DCTN4: variants seen among roughly 807,000 people sequenced by gnomAD.
The protein encoded by DCTN4 is dynactin subunit 4, also known as dynactin 4 (p62).
A neutral mutation model predicts 62.7 loss-of-function variants in DCTN4; 23 were observed. That is an observed-to-expected ratio of 0.37 (90% CI 0.26 to 0.52). The LOEUF is 0.52. Ranked by LOEUF, DCTN4 falls within the 20% of genes least tolerant of loss-of-function variation. The probability of loss-of-function intolerance (pLI) is 0.92; values close to 1 mark genes in which losing one functional copy is unlikely to be tolerated. For synonymous variants in DCTN4, 199 were observed against 202.1 expected (o/e 0.98, Z 0.13); for missense variants, 514 against 580.4 (o/e 0.89, Z 1.18).
chr5:150,756,267 T>A (rs1752858462), intron 2 of DCTN4, 150 bp downstream of exon 2: 2 of 475,522 alleles, frequency 4.2e-6, no homozygotes, highest in Non-Finnish European at 7.5e-6. Context: ...GGTATCAACC[T>A]CTTGACCTCG....
chr5:150,746,103 A>G (rs1760951467), intron 3 of DCTN4, among the ~76,000 whole-genome samples: 1 of 151,408 alleles, frequency 6.6e-6, no homozygotes, highest in Non-Finnish European at 1.5e-5. Context: ...AAAATGATAA[A>G]GGGGATATCA....
At chr5:150,748,456 T>C (rs1178465847) in intron 3 of DCTN4, among the ~76,000 whole-genome samples, 1 of 152,110 alleles carries the variant, frequency 6.6e-6, no homozygotes, top group Non-Finnish European at 1.5e-5. Flanking sequence ...CAAAGAACTA[T>C]AAATCATGCT....
chr5:150,715,897 GTTTTA>G (rs1425830654), intron 11 of DCTN4, among the ~76,000 whole-genome samples: 1 of 148,726 alleles, frequency 6.7e-6, no homozygotes. Flanking sequence ...TGTCTTTAAT[GTTTTA>G]TTTTATTATT....
chr5:150,755,503 T>C (rs1752828180), intron 2 of DCTN4: 1 of 456,212 alleles, frequency 2.2e-6, no homozygotes, highest in Non-Finnish European at 4.4e-6. Flanking sequence ...TTACCCTTGA[T>C]ATGATGTAAT....
At chr5:150,746,280 T>A (rs1760958888) in intron 3 of DCTN4, among the ~76,000 whole-genome samples, 1 of 139,840 alleles carries the variant, frequency 7.2e-6, no homozygotes, top group Non-Finnish European at 1.5e-5. Context: ...TAACAGGCTC[T>A]GAAATTGAGG....
Position 150,756,282 on chromosome 5 carries a change from C to T in DCTN4, c.206+135G>A, listed in dbSNP as rs1752859270. On this transcript the variant is annotated intron_variant, in intron 2 of 12. Transcript: ENST00000447998. ...GGTATCAACCTCTTGACCTCGTGAT[C>T]CCTGCCTCCGCCTCCCAAAGTGCTG... 5.8e-6 allele frequency: 3 copies of T among 513,488 alleles called. No homozygotes were observed. The East Asian group carries it at 1.0e-4, about 18-fold the overall frequency. The allele number at this position is 513,488 out of a possible 1,614,324, so 31.8% of individuals were successfully genotyped here.
At chr5:150,717,073 A>G (rs1259594425) in intron 11 of DCTN4, among the ~76,000 whole-genome samples, 1 of 152,178 alleles carries the variant, frequency 6.6e-6, no homozygotes, top group Non-Finnish European at 1.5e-5. Flanking sequence ...AGATATAGGC[A>G]TCTTTTTAAA....
At chr5:150,725,157 C>CAAAAA (rs966438340) in intron 8 of DCTN4, among the ~76,000 whole-genome samples, 7 of 53,370 alleles carry the variant, frequency 1.3e-4, no homozygotes, top group African/African-American at 4.0e-4. Flanking sequence ...GACTCCGTCT[C>CAAAAA]AAAAAAAAAA....
intron 9 of DCTN4, among the ~76,000 whole-genome samples, chr5:150,722,065 ATCC>A (rs1283631707): frequency 1.3e-5 from 2 of 152,146 alleles, no homozygotes; most frequent in Non-Finnish European, 2.9e-5. Flanking sequence ...GGCTCAAGTG[ATCC>A]TCCTGACTCA....
intron 3 of DCTN4, among the ~76,000 whole-genome samples, chr5:150,744,990 A>T (rs1205415208): frequency 6.6e-6 from 1 of 151,126 alleles, no homozygotes; most frequent in East Asian, 2.0e-4. Context: ...AAAGACACAG[A>T]CTGGCAAATT....
intron 4 of DCTN4, among the ~76,000 whole-genome samples, chr5:150,740,190 C>T (rs1760718817): frequency 6.6e-6 from 1 of 152,152 alleles, no homozygotes; most frequent in East Asian, 1.9e-4. Context: ...GGACTAATAT[C>T]TCAAGTCTAC....
chr5:150,712,530 T>C (rs74516219), intron 12 of DCTN4, among the ~76,000 whole-genome samples: 1,570 of 152,322 alleles, frequency 0.01, 33 homozygotes, highest in East Asian at 0.083. Flanking sequence ...TAAGCTCAAA[T>C]GATCCTTCTG....
chr5:150,722,826 A>G, intron 9 of DCTN4, 81 bp downstream of exon 9: 1 of 1,042,146 alleles, frequency 9.6e-7, no homozygotes, highest in South Asian at 1.5e-5. Flanking sequence ...GCCAAGAGTA[A>G]ACACACTTCA....
At chr5:150,746,293 A>ATAAT (rs200882528) in intron 3 of DCTN4, among the ~76,000 whole-genome samples, 35,228 of 151,296 alleles carry the variant, frequency 0.23, 9,193 homozygotes, top group African/African-American at 0.65. Flanking sequence ...AATTGAGGCA[A>ATAAT]TAATAGCTTA....
chr5:150,742,153 A>G lies in DCTN4; in HGVS notation c.390T>C (p.Ser130=). 1 of 1,613,660 alleles carries G rather than the reference A, an allele frequency of 6.2e-7. No homozygotes were observed. The highest frequency in any genetic ancestry group is 1.1e-5 in the South Asian group (1 of 91,080). The change falls in exon 4 of 13, where the codon AGT becomes AGC. Residue 130 remains serine (S), a synonymous_variant. Transcript: ENST00000447998. ...GATTTTCAGGTTCCTGCCAACCGCC[A>G]CTAGCTACAAAATAAAAGAATATTA... ...DVGMADKSVA[S]GGWQEPENPH...
intron 4 of DCTN4, among the ~76,000 whole-genome samples, chr5:150,740,687 G>A (rs905576340): frequency 6.6e-6 from 1 of 152,076 alleles, no homozygotes; most frequent in Non-Finnish European, 1.5e-5. Flanking sequence ...AAGAATATGT[G>A]GTATGTATAC....
At chr5:150,756,701 T>C (rs961772365) in intron 1 of DCTN4, among the ~76,000 whole-genome samples, 3 of 151,894 alleles carry the variant, frequency 2.0e-5, no homozygotes, top group Non-Finnish European at 4.4e-5. Flanking sequence ...ATCTTTCCTA[T>C]TCCATCATCA....
At chr5:150,753,430 T>C (rs770744105) in intron 3 of DCTN4, 49 bp downstream of exon 3, 1 of 1,547,038 alleles carries the variant, frequency 6.5e-7, no homozygotes, top group Admixed American at 1.7e-5. Context: ...TGGGCAATTA[T>C]AGCACTGTCA....
At chr5:150,736,624 A>T (rs1350801709) in intron 4 of DCTN4, among the ~76,000 whole-genome samples, 1 of 152,192 alleles carries the variant, frequency 6.6e-6, no homozygotes, top group East Asian at 1.9e-4. Context: ...AAATCCTGAA[A>T]CAAAACCTTG....
Sources: gnomAD v4.1 joint callset for allele counts (sites outside exome capture counted in the v4.1 genomes callset) on GRCh38, gnomAD v4.1.1 for gene constraint, MANE v1.5 for transcripts, NCBI Gene and HGNC (gene_info 2026-07-23, HGNC 2026-07-21) for gene names.